Variants in SLC35F4 observed in about 807,000 individuals in gnomAD.
SLC35F4 encodes solute carrier family 35 member F4, also known as chromosome 14 open reading frame 36.
A neutral mutation model predicts 44.2 loss-of-function variants in SLC35F4; 24 were observed. That is an observed-to-expected ratio of 0.54 (90% CI 0.39 to 0.76). SLC35F4 has a LOEUF of 0.76. SLC35F4 is among the 30% of genes least tolerant of loss of function. SLC35F4 has a pLI of 0.00. For synonymous variants in SLC35F4, 238 were observed against 223.6 expected (o/e 1.06, Z -0.57); for missense variants, 562 against 586.1 (o/e 0.96, Z 0.42).
chr14:57,731,559 C>G (rs1372928734), intron 1 of SLC35F4, among the ~76,000 whole-genome samples: 2 of 152,200 alleles, frequency 1.3e-5, no homozygotes, highest in Non-Finnish European at 2.9e-5. Flanking sequence ...CTGGTTCGAG[C>G]AGCAGATCCA....
chr14:57,944,753 AG>A (rs1889989907), intron 1 of SLC35F4, among the ~76,000 whole-genome samples: 1 of 149,886 alleles, frequency 6.7e-6, no homozygotes, highest in Non-Finnish European at 1.5e-5. Context: ...GAAAGAAAGA[AG>A]AAAGGAAGAA....
At chr14:57,983,075 G>T (rs935048643), upstream of SLC35F4, among the ~76,000 whole-genome samples, 3 of 152,200 alleles carry the variant, frequency 2.0e-5, no homozygotes, top group Non-Finnish European at 4.4e-5. Flanking sequence ...GGCTCTGTCT[G>T]CCCACGTGCA....
chr14:57,762,278 A>G (rs1471520004), intron 1 of SLC35F4, among the ~76,000 whole-genome samples: 1 of 152,182 alleles, frequency 6.6e-6, no homozygotes, highest in Non-Finnish European at 1.5e-5. Flanking sequence ...ATAATAAAAC[A>G]ACAAGTTCCT....
intron 1 of SLC35F4, among the ~76,000 whole-genome samples, chr14:57,663,637 C>A (rs946885329): frequency 6.6e-6 from 1 of 152,122 alleles, no homozygotes; most frequent in South Asian, 2.1e-4. Flanking sequence ...GTCGGTAACA[C>A]GTTTTGGACA....
At chr14:57,908,054 G>C (rs148529218) in intron 1 of SLC35F4, among the ~76,000 whole-genome samples, 455 of 152,172 alleles carry the variant, frequency 3.0e-3, no homozygotes, top group Non-Finnish European at 5.0e-3. Context: ...TTGGTTTTCT[G>C]TTCCCATGTT....
At chr14:57,718,041 T>G (rs1394137784) in intron 1 of SLC35F4, among the ~76,000 whole-genome samples, 1 of 152,210 alleles carries the variant, frequency 6.6e-6, no homozygotes, top group Non-Finnish European at 1.5e-5. Flanking sequence ...CTTCCCAGCC[T>G]CTGGTAACCA....
intron 1 of SLC35F4, among the ~76,000 whole-genome samples, chr14:57,851,356 C>T (rs1469384705): frequency 6.6e-6 from 1 of 152,072 alleles, no homozygotes; most frequent in Non-Finnish European, 1.5e-5. Context: ...ATGTAATAAA[C>T]TGCATGAAAA....
intron 1 of SLC35F4, among the ~76,000 whole-genome samples, chr14:57,825,967 C>A (rs1320792337): frequency 2.0e-5 from 3 of 152,046 alleles, no homozygotes; most frequent in Non-Finnish European, 4.4e-5. Context: ...TATTGCTATT[C>A]CCATTAAAGT....
At chr14:57,605,836 T>C (rs1305340087) in intron 1 of SLC35F4, among the ~76,000 whole-genome samples, 2 of 151,814 alleles carry the variant, frequency 1.3e-5, no homozygotes, top group Non-Finnish European at 2.9e-5. Flanking sequence ...TGAAAACCAT[T>C]ATCCTAAGCG....
At chr14:57,582,889 C>T (rs772262283) in intron 3 of SLC35F4, among the ~76,000 whole-genome samples, 5 of 152,142 alleles carry the variant, frequency 3.3e-5, no homozygotes, top group Non-Finnish European at 4.4e-5. Context: ...AAGAATTAGG[C>T]ACAGGGAGTA....
At chr14:57,697,860 C>G (rs921712205) in intron 1 of SLC35F4, among the ~76,000 whole-genome samples, 9 of 152,086 alleles carry the variant, frequency 5.9e-5, no homozygotes, top group Non-Finnish European at 5.9e-5. Context: ...CATACACAAT[C>G]ACAAATGGAG....
In SLC35F4 at chr14:57,961,071, G is replaced by A. The variant is rs149729676; in HGVS notation, n.282+20842C>T. Among the ~76,000 whole-genome samples, 1,175 of 152,160 alleles carry A rather than the reference G, an allele frequency of 7.7e-3. 19 individuals are homozygous for A. Among genetic ancestry groups the A allele is most frequent in the African/African-American group, 0.027 (1,113 of 41,496 alleles). ...AGGCTCTGGCTCGTCAAGAAGATAC[G>A]TGGGGCAAGTGAGTCAGCTGCTTCA... is the stretch of plus-strand genomic sequence containing the variant. On this transcript the variant is annotated intron_variant and non_coding_transcript_variant, in intron 1 of 1. Coordinates refer to the SLC35F4 transcript ENST00000556568.
chr14:57,593,200 G>A (rs2070298312), intron 2 of SLC35F4, among the ~76,000 whole-genome samples: 1 of 152,204 alleles, frequency 6.6e-6, no homozygotes, highest in Admixed American at 6.5e-5. Context: ...ACAATGAGAG[G>A]AAGTGAATTT....
chr14:57,640,624 G>A (rs1036044599), intron 1 of SLC35F4, among the ~76,000 whole-genome samples: 10 of 152,090 alleles, frequency 6.6e-5, no homozygotes, highest in East Asian at 3.9e-4. Flanking sequence ...TCCATTTTAT[G>A]AATGAAAACA....
intron 1 of SLC35F4, among the ~76,000 whole-genome samples, chr14:57,934,152 A>G (rs1889752989): frequency 1.3e-5 from 2 of 151,850 alleles, no homozygotes; most frequent in Admixed American, 1.3e-4. Flanking sequence ...ATAATACCCA[A>G]CTAATCTTCA....
At position 57,894,329 on chromosome 14, in the gene SLC35F4, T is replaced by C. The variant is rs1888830171; in HGVS notation, n.282+87584A>G. ...GCTCAAAAGAAAGAATGAAGACAGT[T>C]GTACAAAATGTCCCTTTGCAGCACT... On this transcript the variant is annotated intron_variant and non_coding_transcript_variant, in intron 1 of 1. Coordinates refer to the SLC35F4 transcript ENST00000556568. Among the ~76,000 whole-genome samples the C allele has an allele frequency of 1.1e-4, 16 of 152,142 alleles. No homozygotes were observed. The South Asian group carries it at 3.3e-3, about 32-fold the overall frequency.
chr14:57,568,324 G>A (rs113352008), intron 6 of SLC35F4, among the ~76,000 whole-genome samples: 2,662 of 152,344 alleles, frequency 0.017, 79 homozygotes, highest in African/African-American at 0.061. Flanking sequence ...GTATATGTTG[G>A]TGGAGGGCTA....
intron 1 of SLC35F4, among the ~76,000 whole-genome samples, chr14:57,706,536 G>C (rs1030520168): frequency 7.9e-5 from 12 of 152,088 alleles, no homozygotes; most frequent in African/African-American, 2.7e-4. Flanking sequence ...TAAATATAAG[G>C]AATGTCATGA....
intron 1 of SLC35F4, among the ~76,000 whole-genome samples, chr14:57,758,001 ATGTG>A (rs34860997): frequency 0.012 from 1,606 of 128,984 alleles, 14 homozygotes; most frequent in African/African-American, 0.025. Flanking sequence ...TTATAGGTTC[ATGTG>A]TGTGTGTGTG....
Sources: gnomAD v4.1 joint callset for allele counts (sites outside exome capture counted in the v4.1 genomes callset) on GRCh38, gnomAD v4.1.1 for gene constraint, MANE v1.5 for transcripts, NCBI Gene and HGNC (gene_info 2026-07-23, HGNC 2026-07-21) for gene names.